The following ZNF808 variants were observed in gnomAD, a reference collection of about 807,000 sequenced individuals.
ZNF808 encodes zinc finger protein 808.
Under a neutral mutation model 8.7 loss-of-function variants are expected in ZNF808, and 5 were observed. The observed-to-expected ratio is 0.58, with a 90% CI of 0.30 to 1.21. The LOEUF (loss-of-function observed/expected upper bound fraction) is 1.21. ZNF808 is among the 50% of genes most tolerant of loss of function. The pLI is 0.07. For synonymous variants in ZNF808, 380 were observed against 366.0 expected (o/e 1.04, Z -0.44); for missense variants, 1,103 against 1,098.4 (o/e 1.00, Z -0.06).
rs978331964 is a variant in ZNF808, at chr19:52,564,178, A to C, written c.*1283A>C. ...GATTCGAATGAAAACTGGCAATAAA[A>C]TCAGGTCCAACTTTAAAAGGAGACA... On this transcript the variant is annotated 3_prime_UTR_variant and NMD_transcript_variant, in exon 4 of 4. Transcript: ENST00000487863. 30 of 765,816 alleles carry C rather than the reference A, an allele frequency of 3.9e-5. No individual in the cohort carries two copies. In the African/African-American group the frequency reaches 5.2e-4, roughly 13 times the overall value. 47.4% of individuals were successfully genotyped at this position (765,816 alleles called of 1,614,324 possible). A position where few individuals can be genotyped will look rare whatever the true frequency, so the allele number is the denominator to read the frequency against.
At chr19:52,563,634 G>A (rs2059864605) in exon 4 of ZNF808, 1 of 153,460 alleles carries the variant, frequency 6.5e-6, no homozygotes, top group Admixed American at 6.5e-5. Context: ...TAAACAGTTT[G>A]TAAATGAATA....
At chr19:52,566,920 T>C (rs2059874249), downstream of ZNF808, among the ~76,000 whole-genome samples, 1 of 151,886 alleles carries the variant, frequency 6.6e-6, no homozygotes, top group Non-Finnish European at 1.5e-5. Flanking sequence ...ACAGTCATGC[T>C]TTCACGTACT....
At chr19:52,530,710 C>A (rs449671) in intron 1 of ZNF808, among the ~76,000 whole-genome samples, 2 of 151,460 alleles carry the variant, frequency 1.3e-5, no homozygotes, top group African/African-American at 4.8e-5. Flanking sequence ...AAAGTTGGGC[C>A]TGGTGGCTCA....
Position 52,543,364 on chromosome 19 carries a change from CTG to C in ZNF808, c.63+20_63+21del, listed in dbSNP as rs2059691067. The C allele has an allele frequency of 6.2e-7, 1 of 1,610,934 alleles. No individual in the cohort carries two copies. The highest frequency in any genetic ancestry group is 1.3e-5 in the African/African-American group (1 of 74,884). On this transcript the variant is annotated intron_variant, in intron 3 of 4. Coordinates refer to ENST00000359798, the MANE Select transcript of ZNF808 (RefSeq NM_001039886.4). ...CTTCCTCAGGTGAAGTGATATTCCT[CTG>C]TGGATTAATCTGTCTCTTTCCTTTC...
chr19:52,544,108 G>A (rs1475547572), intron 3 of ZNF808, among the ~76,000 whole-genome samples: 1 of 152,084 alleles, frequency 6.6e-6, no homozygotes, highest in Non-Finnish European at 1.5e-5. Context: ...ACTGTATGCC[G>A]AAATTGTGCC....
Position 52,530,611 on chromosome 19 carries a change from C to T in ZNF808, c.-121-2297C>T, listed in dbSNP as rs112281168. On this transcript the variant is annotated intron_variant, in intron 1 of 4. Transcript: ENST00000359798. ...CCGGGAAGCAGAGGTTGCAGTGAGC[C>T]GAGATTGCATCACTGCATGCCAGGC... Among the ~76,000 whole-genome samples, 732 of 150,602 alleles carry T rather than the reference C, an allele frequency of 4.9e-3. 5 individuals are homozygous for T. Among genetic ancestry groups the T allele is most frequent in the African/African-American group, 0.017 (678 of 40,976 alleles).
At chr19:52,552,425 T>C (rs1205205788) in intron 4 of ZNF808, among the ~76,000 whole-genome samples, 1 of 151,268 alleles carries the variant, frequency 6.6e-6, no homozygotes, top group African/African-American at 2.4e-5. Flanking sequence ...TTTTTTTTTT[T>C]CTGTTTGAGG....
intron 2 of ZNF808, among the ~76,000 whole-genome samples, chr19:52,536,802 T>A (rs2059616535): frequency 1.3e-5 from 2 of 151,902 alleles, no homozygotes; most frequent in Non-Finnish European, 2.9e-5. Flanking sequence ...AGAGAGAATT[T>A]AACAGGGAGA....
rs373201194 is a variant in ZNF808 at position 52,549,921 on chromosome 19, C to T, written c.190+2283C>T. 5.9e-5 allele frequency among the ~76,000 whole-genome samples: 9 copies of T among 152,222 alleles called. No individual in the cohort carries two copies. In the East Asian group the frequency reaches 1.6e-3, roughly 26 times the overall value. ...TCAGTGTGTGCAGGGCATCATGACTCAGCACATGATCCATGAGGGATGGCT... is the reference window on the plus strand; with the variant it reads ...TCAGTGTGTGCAGGGCATCATGACTTAGCACATGATCCATGAGGGATGGCT... On this transcript the variant is annotated intron_variant, in intron 4 of 4. Transcript: ENST00000359798.
chr19:52,538,912 A>G (rs1599969784), intron 2 of ZNF808, among the ~76,000 whole-genome samples: 1 of 152,084 alleles, frequency 6.6e-6, no homozygotes, highest in Non-Finnish European at 1.5e-5. Flanking sequence ...AGAGTTGCCA[A>G]ACTCCTGTGT....
intron 2 of ZNF808, among the ~76,000 whole-genome samples, chr19:52,541,584 C>T (rs961944085): frequency 9.9e-5 from 15 of 151,990 alleles, no homozygotes; most frequent in African/African-American, 2.9e-4. Context: ...GTGACACTGA[C>T]CCCTGAAATG....
rs2059835172 is a variant in ZNF808, at chr19:52,556,270, G to A, written c.*642G>A. On this transcript the variant is annotated 3_prime_UTR_variant, in exon 5 of 5. Coordinates refer to ENST00000359798, the MANE Select transcript of ZNF808 (RefSeq NM_001039886.4). ...AGGTCAGAAGTTTGAAACCACCATG[G>A]CCAACAGATGTCGGCCACTTTCGCC... The A allele has an allele frequency of 5.9e-6, 1 of 168,760 alleles. No individual in the cohort carries two copies. The highest frequency in any genetic ancestry group is 5.9e-5 in the Admixed American group (1 of 16,912). 10.5% of individuals were successfully genotyped at this position (168,760 alleles called of 1,614,324 possible).
At chr19:52,562,660 T>C (rs2059861743) in intron 3 of ZNF808, among the ~76,000 whole-genome samples, 1 of 152,238 alleles carries the variant, frequency 6.6e-6, no homozygotes, top group African/African-American at 2.4e-5. Context: ...TTATATTTCA[T>C]GCATAGTGAA....
rs371917366 is a variant in ZNF808, at chr19:52,543,359, T to C, written c.63+12T>C. The C allele has an allele frequency of 1.1e-5, 18 of 1,611,952 alleles. No homozygotes were observed. The highest frequency in any genetic ancestry group is 1.5e-5 in the Non-Finnish European group (18 of 1,179,606). Reference sequence around the variant, plus strand: ...TGGCTCTTCCTCAGGTGAAGTGATATTCCTCTGTGGATTAATCTGTCTCTT... The same window carrying C: ...TGGCTCTTCCTCAGGTGAAGTGATACTCCTCTGTGGATTAATCTGTCTCTT... On this transcript the variant is annotated intron_variant, in intron 3 of 4. Transcript: ENST00000359798.
At position 52,561,799 on chromosome 19, in the gene ZNF808, G is replaced by A. The variant is rs142833512; in HGVS notation, c.*423-1519G>A. Among the ~76,000 whole-genome samples, 599 of 152,030 alleles carry A rather than the reference G, an allele frequency of 3.9e-3. 4 individuals carry two copies. Among genetic ancestry groups the A allele is most frequent in the African/African-American group, 0.014 (570 of 41,462 alleles). Reference sequence around the variant, plus strand: ...CGACCTCAGGAGATCCACCCGCCTCGGTCTCCCAAAGTGCTGGAATTACAG... The same window carrying A: ...CGACCTCAGGAGATCCACCCGCCTCAGTCTCCCAAAGTGCTGGAATTACAG... On this transcript the variant is annotated intron_variant and NMD_transcript_variant, in intron 3 of 3. Coordinates refer to the ZNF808 transcript ENST00000487863.
chr19:52,553,068 G>T, intron 4 of ZNF808, 39 bp from the exon 5 acceptor site: 1 of 1,512,348 alleles, frequency 6.6e-7, no homozygotes, highest in Non-Finnish European at 8.8e-7. Context: ...TTTACCATCT[G>T]TACTTAATTG....
chr19:52,563,868 C>G (rs764229306), exon 4 of ZNF808: 2 of 237,958 alleles, frequency 8.4e-6, no homozygotes, highest in Non-Finnish European at 1.7e-5. Flanking sequence ...CAGTGGTGGG[C>G]ACCTGTAATC....
exon 4 of ZNF808, chr19:52,564,031 TCC>T (rs761310394): frequency 9.1e-4 from 502 of 553,674 alleles, no homozygotes; most frequent in Non-Finnish European, 1.4e-3. Flanking sequence ...CCCCCTCTCC[TCC>T]TTTGTCTGCC....
At chr19:52,547,739 G>GGTTTTTTT (rs1491196956) in intron 4 of ZNF808, 101 bp downstream of exon 4, 2 of 843,142 alleles carry the variant, frequency 2.4e-6, no homozygotes, top group Admixed American at 4.3e-5. Context: ...ATCCATGCTG[G>GGTTTTTTT]TTTTTTTTTT....
Sources: allele counts gnomAD v4.1 joint callset (sites outside exome capture counted in the v4.1 genomes callset), GRCh38; gene constraint gnomAD v4.1.1; transcripts MANE v1.5; gene names NCBI Gene and HGNC (gene_info 2026-07-23, HGNC 2026-07-21).